Variants in UNC5C observed in about 807,000 individuals in gnomAD.
The protein encoded by UNC5C is netrin receptor UNC5C.
Under a neutral mutation model 99.8 loss-of-function variants are expected in UNC5C, and 47 were observed. The ratio of observed to expected loss-of-function variants is 0.47; its 90% confidence interval spans 0.37 to 0.60. The LOEUF (loss-of-function observed/expected upper bound fraction) is 0.60, where lower values mean the gene tolerates loss of function less well. Ranked by LOEUF, UNC5C falls within the 20% of genes least tolerant of loss-of-function variation. UNC5C has a pLI of 0.00. For synonymous variants in UNC5C, 487 were observed against 452.2 expected (o/e 1.08, Z -0.98); for missense variants, 1,062 against 1,165.9 (o/e 0.91, Z 1.30).
At chr4:95,368,067 GACAGCCTGTTAGCATAGCGTATGAAT>G (rs1451889143) in intron 1 of UNC5C, among the ~76,000 whole-genome samples, 1 of 152,106 alleles carries the variant, frequency 6.6e-6, no homozygotes, top group African/African-American at 2.4e-5. Flanking sequence ...CTGGTGTGCT[GACAGCCTGTTAGCATAGCGTATGAAT>G]ACCCCTTTCA....
At chr4:95,252,742 C>T (rs990617736) in intron 4 of UNC5C, among the ~76,000 whole-genome samples, 2 of 152,182 alleles carry the variant, frequency 1.3e-5, no homozygotes, top group Non-Finnish European at 2.9e-5. Context: ...CACATGACCT[C>T]ATGACCGGTT....
chr4:95,542,712 G>T (rs1177748554), intron 1 of UNC5C, among the ~76,000 whole-genome samples: 1 of 151,922 alleles, frequency 6.6e-6, no homozygotes, highest in Non-Finnish European at 1.5e-5. Context: ...CAAACATATT[G>T]TTCATAAAGA....
intron 9 of UNC5C, among the ~76,000 whole-genome samples, chr4:95,217,018 G>C (rs1392490932): frequency 6.6e-6 from 1 of 152,174 alleles, no homozygotes. Context: ...TCATCACAAA[G>C]AGTGATTCAG....
At chr4:95,329,734 G>T (rs570854196) in intron 2 of UNC5C, among the ~76,000 whole-genome samples, 1 of 152,272 alleles carries the variant, frequency 6.6e-6, no homozygotes, top group East Asian at 1.9e-4. Context: ...TATAGCCACA[G>T]ATACTATAAC....
At chr4:95,536,415 A>G (rs1434875090) in intron 1 of UNC5C, among the ~76,000 whole-genome samples, 3 of 152,170 alleles carry the variant, frequency 2.0e-5, no homozygotes, top group Non-Finnish European at 4.4e-5. Context: ...ATACAGAAAA[A>G]AAGAACACAC....
At chr4:95,174,008 G>A (rs1736232274) in intron 14 of UNC5C, among the ~76,000 whole-genome samples, 1 of 152,120 alleles carries the variant, frequency 6.6e-6, no homozygotes, top group Admixed American at 6.5e-5. Flanking sequence ...ATTTCTTCTA[G>A]ATTTTCTAGT....
At chr4:95,526,755 T>C (rs1722507126) in intron 1 of UNC5C, among the ~76,000 whole-genome samples, 1 of 152,020 alleles carries the variant, frequency 6.6e-6, no homozygotes. Context: ...AAATTTAAAA[T>C]ATGTTTCACA....
intron 3 of UNC5C, among the ~76,000 whole-genome samples, chr4:95,294,291 C>G (rs114214396): frequency 0.018 from 2,677 of 152,278 alleles, 43 homozygotes; most frequent in Middle Eastern, 0.027. Flanking sequence ...AGACTTGATC[C>G]AAATCCACAG....
At chr4:95,315,721 G>A (rs998755170) in intron 2 of UNC5C, among the ~76,000 whole-genome samples, 7 of 152,140 alleles carry the variant, frequency 4.6e-5, no homozygotes, top group South Asian at 2.1e-4. Context: ...AATGATACTA[G>A]CACTAATAAA....
At chr4:95,368,060 G>A (rs1002898065) in intron 1 of UNC5C, among the ~76,000 whole-genome samples, 26 of 152,054 alleles carry the variant, frequency 1.7e-4, no homozygotes, top group Admixed American at 2.0e-4. Flanking sequence ...TCAGTCTCTG[G>A]TGTGCTGACA....
At chr4:95,320,812 TA>T (rs1184595353) in intron 2 of UNC5C, among the ~76,000 whole-genome samples, 1 of 152,210 alleles carries the variant, frequency 6.6e-6, no homozygotes, top group Non-Finnish European at 1.5e-5. Flanking sequence ...CATATCTACT[TA>T]TATGCATATT....
At chr4:95,364,844 C>T (rs539055139) in intron 1 of UNC5C, among the ~76,000 whole-genome samples, 1 of 152,074 alleles carries the variant, frequency 6.6e-6, no homozygotes, top group African/African-American at 2.4e-5. Context: ...TTCTGCCCTA[C>T]TAACTTTCTC....
At chr4:95,185,484 A>G (rs1346460362) in intron 12 of UNC5C, among the ~76,000 whole-genome samples, 2 of 152,192 alleles carry the variant, frequency 1.3e-5, no homozygotes, top group African/African-American at 2.4e-5. Flanking sequence ...TGAGTGGAGT[A>G]TTTATCAAAT....
chr4:95,498,996 A>C (rs2149483800), intron 1 of UNC5C, among the ~76,000 whole-genome samples: 1 of 152,248 alleles, frequency 6.6e-6, no homozygotes, highest in South Asian at 2.1e-4. Flanking sequence ...GAGTCTTGAT[A>C]ATGAAACCTC....
At chr4:95,289,952 ATAT>A (rs1250126094) in intron 3 of UNC5C, among the ~76,000 whole-genome samples, 5 of 152,332 alleles carry the variant, frequency 3.3e-5, no homozygotes, top group African/African-American at 1.2e-4. Flanking sequence ...ATAAAGAAAA[ATAT>A]TATTATGCTA....
intron 2 of UNC5C, among the ~76,000 whole-genome samples, chr4:95,304,190 A>G (rs10049501): frequency 0.6 from 90,909 of 152,044 alleles, 27,887 homozygotes; most frequent in East Asian, 0.85. Context: ...ACAGGATCCT[A>G]AGGGGCAACT....
chr4:95,222,205 C>G, intron 7 of UNC5C: 3 of 1,493,870 alleles, frequency 2.0e-6, no homozygotes, highest in Non-Finnish European at 1.8e-6. Context: ...AAACATCAAA[C>G]TTACAAGAAA....
Position 95,437,801 on chromosome 4 carries a change from C to A in UNC5C, c.125-102170G>T, listed in dbSNP as rs1746836006. Among the ~76,000 whole-genome samples, 4 of 152,134 alleles carry A rather than the reference C, an allele frequency of 2.6e-5. No homozygotes were observed. The South Asian group carries it at 6.2e-4, about 24-fold the overall frequency. ...ATGGCACATGATTGTGTAAGAAAAG[C>A]AATAGCCCTACTAAGAAAACTTTGC... On this transcript the variant is annotated intron_variant, in intron 1 of 15. Coordinates refer to ENST00000453304, the MANE Select transcript of UNC5C (RefSeq NM_003728.4).
intron 1 of UNC5C, among the ~76,000 whole-genome samples, chr4:95,536,740 T>A (rs972843924): frequency 2.0e-5 from 3 of 152,206 alleles, no homozygotes; most frequent in Non-Finnish European, 2.9e-5. Flanking sequence ...GGGTTTAGAA[T>A]TAAAAATCAA....
Sources: allele counts gnomAD v4.1 joint callset (sites outside exome capture counted in the v4.1 genomes callset), GRCh38; gene constraint gnomAD v4.1.1; transcripts MANE v1.5; gene names NCBI Gene and HGNC (gene_info 2026-07-23, HGNC 2026-07-21).